Variants in ZFHX4 observed in about 807,000 individuals in gnomAD.
ZFHX4 encodes the protein zinc finger homeobox 4.
A neutral mutation model predicts 267.6 loss-of-function variants in ZFHX4; 56 were observed. That is an observed-to-expected ratio of 0.21 (90% confidence interval 0.17 to 0.26). The LOEUF (loss-of-function observed/expected upper bound fraction) is 0.26. ZFHX4 is among the 10% of genes least tolerant of loss of function. The pLI, the probability that ZFHX4 is intolerant of heterozygous loss-of-function variation, is 1.00. For missense variants in ZFHX4, 4,332 were observed against 4,420.0 expected (o/e 0.98, Z 0.56); for synonymous variants, 1,778 against 1,665.6 (o/e 1.07, Z -1.64).
Position 76,864,043 on chromosome 8 carries a change from A to C in ZFHX4, c.10329A>C (p.Pro3443=), listed in dbSNP as rs771998700. The change falls in exon 11 of 11, where the codon CCA becomes CCC. Residue 3443 remains proline (P), a synonymous_variant. Transcript: ENST00000651372. ...IDPQETVLRV[P]VSKYQCLACD... ...CACAAGAGACAGTGCTTCGTGTCCC[A>C]GTCAGCAAATATCAGTGTCTTGCCT... 6.2e-7 allele frequency: 1 copy of C among 1,613,898 alleles called. No homozygotes were observed. The highest frequency in any genetic ancestry group is 2.2e-5 in the East Asian group (1 of 44,824).
At chr8:76,841,004 A>C (rs1585998822) in intron 5 of ZFHX4, among the ~76,000 whole-genome samples, 1 of 152,268 alleles carries the variant, frequency 6.6e-6, no homozygotes, top group African/African-American at 2.4e-5. Context: ...CTTGAAGTTA[A>C]ATTTCTGAGT....
chr8:76,768,859 G>A (rs1242395554), intron 3 of ZFHX4, among the ~76,000 whole-genome samples: 1 of 152,088 alleles, frequency 6.6e-6, no homozygotes, highest in Non-Finnish European at 1.5e-5. Context: ...CAAAAGATGA[G>A]GCGAGCACAA....
Position 76,705,054 on chromosome 8 carries a change from A to T in ZFHX4, c.966A>T (p.Ile322=), listed in dbSNP as rs748054601. The change falls in exon 2 of 11, where the codon ATA becomes ATT. Residue 322 remains isoleucine (I), a synonymous_variant. Coordinates refer to ENST00000651372, the MANE Select transcript of ZFHX4 (RefSeq NM_024721.5). ...GTAATAAATGCGTCTCCGCCATAAT[A>T]CAGGGGATTGGCAAAGACAAAGAAC... ...LLSNKCVSAI[I]QGIGKDKEPL... 1.2e-6 allele frequency: 2 copies of T among 1,613,986 alleles called. No homozygotes were observed. Among genetic ancestry groups the T allele is most frequent in the Non-Finnish European group, 1.7e-6 (2 of 1,179,882 alleles).
intron 3 of ZFHX4, among the ~76,000 whole-genome samples, chr8:76,748,906 A>G (rs1809541419): frequency 6.6e-6 from 1 of 152,198 alleles, no homozygotes; most frequent in South Asian, 2.1e-4. Context: ...CAACTTATAT[A>G]AAAGCCAAGT....
At chr8:76,713,668 G>A (rs1010087363) in intron 3 of ZFHX4, among the ~76,000 whole-genome samples, 13 of 152,208 alleles carry the variant, frequency 8.5e-5, no homozygotes, top group East Asian at 3.9e-4. Flanking sequence ...GAAAACTAGC[G>A]TTCTTTTAAT....
intron 4 of ZFHX4, among the ~76,000 whole-genome samples, chr8:76,788,945 T>A (rs1810765571): frequency 6.6e-6 from 1 of 152,260 alleles, no homozygotes; most frequent in Admixed American, 6.5e-5. Flanking sequence ...TTAAATTAGA[T>A]TAATAAAATA....
intron 5 of ZFHX4, among the ~76,000 whole-genome samples, chr8:76,835,843 C>G (rs887600865): frequency 1.3e-5 from 2 of 152,142 alleles, no homozygotes; most frequent in Non-Finnish European, 2.9e-5. Context: ...ACATCAAAAT[C>G]TACATTATTG....
chr8:76,760,268 A>C (rs1431734789), intron 3 of ZFHX4, among the ~76,000 whole-genome samples: 1 of 152,174 alleles, frequency 6.6e-6, no homozygotes, highest in African/African-American at 2.4e-5. Flanking sequence ...GCATCCCACC[A>C]TCTCACTCCA....
At chr8:76,738,712 T>TTCTCTC (rs571087005) in intron 3 of ZFHX4, among the ~76,000 whole-genome samples, 9 of 123,872 alleles carry the variant, frequency 7.3e-5, no homozygotes, top group South Asian at 3.1e-4. Context: ...CTCTCTCTCT[T>TTCTCTC]TCTCTCTCTC....
intron 3 of ZFHX4, among the ~76,000 whole-genome samples, chr8:76,717,796 T>C (rs1055945002): frequency 6.6e-6 from 1 of 151,962 alleles, no homozygotes; most frequent in Non-Finnish European, 1.5e-5. Context: ...GAGGTTTCGC[T>C]ATGTTGCCCA....
At chr8:76,700,114 T>C (rs926621533) in intron 1 of ZFHX4, among the ~76,000 whole-genome samples, 1 of 152,078 alleles carries the variant, frequency 6.6e-6, no homozygotes, top group Non-Finnish European at 1.5e-5. Context: ...AATTCAAGGA[T>C]TTTTATTTAT....
rs768443795 is a variant in ZFHX4 at position 76,855,758 on chromosome 8, C to T, written c.8837C>T (p.Ala2946Val). ...AATCTTCAACTCAAGGTTCTCAAGG[C>T]TTGCTTTAGTGACTACCGAACTCCA... ...MSNLQLKVLK[A>V]CFSDYRTPTM... Residue 2946 changes from alanine (A) to valine (V), a missense_variant, in exon 10 of 11, where the codon GCT becomes GTT. Ala to Val is a moderately conservative substitution (Grantham distance 64). Around this residue, in one of 7 missense-constraint regions of ZFHX4, gnomAD observed 1,648 missense variants for 1,625.0 expected, o/e 1.01. Transcript: ENST00000651372. The T allele has an allele frequency of 4.3e-6, 7 of 1,613,954 alleles. No homozygotes were observed. The highest frequency in any genetic ancestry group is 5.9e-6 in the Non-Finnish European group (7 of 1,179,884).
At chr8:76,833,462 G>C (rs1009758602) in intron 5 of ZFHX4, 56 bp downstream of exon 5, 10 of 1,330,946 alleles carry the variant, frequency 7.5e-6, no homozygotes, top group African/African-American at 1.5e-5. Flanking sequence ...AGTTGCTTTT[G>C]TTACTCTCAT....
At chr8:76,820,613 G>A (rs1235592588) in intron 4 of ZFHX4, among the ~76,000 whole-genome samples, 2 of 152,098 alleles carry the variant, frequency 1.3e-5, no homozygotes, top group Admixed American at 1.3e-4. Flanking sequence ...AAATACATGT[G>A]CCATATGCAT....
chr8:76,854,679 A>G lies in ZFHX4; in HGVS notation c.7758A>G (p.Glu2586=), dbSNP rs371582549. ...TAAAAAGGAAACTAGACGATAAAGA[A>G]GATAATAATTGCAGTGAAAAAGAAG... ...ASLKRKLDDK[E]DNNCSEKEGG... is the part of the protein sequence containing the mutation. Residue 2586 remains glutamate, a synonymous_variant, in exon 10 of 11, where the codon GAA becomes GAG. Transcript: ENST00000651372. 51 of 1,613,720 alleles carry G rather than the reference A, an allele frequency of 3.2e-5. No homozygotes were observed. Among genetic ancestry groups the G allele is most frequent in the Non-Finnish European group, 4.1e-5 (48 of 1,179,868 alleles).
At chr8:76,857,106 T>C (rs1563567126) in intron 10 of ZFHX4, among the ~76,000 whole-genome samples, 1 of 152,178 alleles carries the variant, frequency 6.6e-6, no homozygotes, top group African/African-American at 2.4e-5. Context: ...TCAAAAGATA[T>C]GCAGTTTGCA....
intron 4 of ZFHX4, among the ~76,000 whole-genome samples, chr8:76,826,117 T>A (rs1811778817): frequency 1.3e-5 from 2 of 152,110 alleles, no homozygotes; most frequent in African/African-American, 4.8e-5. Flanking sequence ...AAGCTTCCAA[T>A]CATGGCAGAA....
chr8:76,703,902 G>C (rs1204152245), intron 1 of ZFHX4, 141 bp from the exon 2 acceptor site: 3 of 625,170 alleles, frequency 4.8e-6, no homozygotes, highest in Non-Finnish European at 8.2e-6. Context: ...GTCTGTGATA[G>C]ATAGGCACGC....
chr8:76,804,876 C>T (rs1464434520), intron 4 of ZFHX4, among the ~76,000 whole-genome samples: 2 of 151,990 alleles, frequency 1.3e-5, no homozygotes, highest in Non-Finnish European at 2.9e-5. Context: ...TGGGTTAGAT[C>T]GAAGCACAGC....
Sources: allele counts gnomAD v4.1 joint callset (sites outside exome capture counted in the v4.1 genomes callset), GRCh38; gene constraint gnomAD v4.1.1; regional missense constraint gnomAD v4.1.1; transcripts MANE v1.5; gene names NCBI Gene and HGNC (gene_info 2026-07-23, HGNC 2026-07-21).